Variants in NLRP1 observed in about 807,000 individuals in gnomAD.
NLRP1 encodes the protein NLR family pyrin domain containing 1, also known as NACHT, LRR and PYD domains-containing protein 1.
A neutral mutation model predicts 136.7 loss-of-function variants in NLRP1; 94 were observed. The observed-to-expected ratio is 0.69, with a 90% CI of 0.58 to 0.82. The LOEUF (loss-of-function observed/expected upper bound fraction) is 0.82. NLRP1 is among the 40% of genes least tolerant of loss of function. The probability of loss-of-function intolerance (pLI) is 0.00; values close to 1 mark genes in which losing one functional copy is unlikely to be tolerated. For missense variants in NLRP1, 1,575 were observed against 1,802.7 expected (o/e 0.87, Z 2.29); for synonymous variants, 690 against 725.1 (o/e 0.95, Z 0.78).
chr17:5,524,916 G>A (rs983772693), intron 12 of NLRP1, among the ~76,000 whole-genome samples: 2 of 152,194 alleles, frequency 1.3e-5, no homozygotes, highest in Non-Finnish European at 2.9e-5. Flanking sequence ...GTGTTAAGAT[G>A]AGCTGGTCAC....
In NLRP1 at chr17:5,566,762, T is replaced by TA. The variant is rs549747925; in HGVS notation, c.653-6720dup. ...ACGTCCAATGCTAAAAGTGGGGTGT[T>TA]AAAGTCTCCAGCTATTATTGTATTG... is the stretch of plus-strand genomic sequence containing the variant. On this transcript the variant is annotated intron_variant, in intron 3 of 16. Coordinates refer to ENST00000572272, the MANE Select transcript of NLRP1 (RefSeq NM_033004.4). Among the ~76,000 whole-genome samples, 4 of 152,262 alleles carry TA rather than the reference T, an allele frequency of 2.6e-5. No homozygotes were observed. The South Asian group carries it at 6.2e-4, about 24-fold the overall frequency.
In NLRP1 at chr17:5,538,945, A is replaced by G. The variant is rs542765551; in HGVS notation, c.2870+470T>C. On this transcript the variant is annotated intron_variant, in intron 7 of 16. Transcript: ENST00000572272. ...GCCCAGGATGGAGTGCAGTGCTGTG[A>G]TCTAAGCTCACTGCAACCTCTGCCT... 7.4e-4 allele frequency among the ~76,000 whole-genome samples: 113 copies of G among 152,164 alleles called. 1 individual carries two copies. The highest frequency in any genetic ancestry group is 1.0e-3 in the Non-Finnish European group (70 of 68,004).
chr17:5,579,443 G>A (rs1343427479), intron 3 of NLRP1, among the ~76,000 whole-genome samples: 1 of 152,104 alleles, frequency 6.6e-6, no homozygotes, highest in Non-Finnish European at 1.5e-5. Context: ...AAAAATAACA[G>A]ATATTGGTGA....
chr17:5,559,803 C>A lies in NLRP1; in HGVS notation c.893G>T (p.Arg298Ile). 1.9e-6 allele frequency: 3 copies of A among 1,614,258 alleles called. No individual in the cohort carries two copies. Among genetic ancestry groups the A allele is most frequent in the Non-Finnish European group, 2.5e-6 (3 of 1,180,044 alleles). ...HPRSQDPLVKRSWPDYVEENR... is the reference protein window; with the variant it reads ...HPRSQDPLVKISWPDYVEENR... Reference sequence around the variant, plus strand: ...CTCCTCCACATAATCAGGCCAGCTTCTCTTGACCAGGGGATCTTGGCTTCT... The same window carrying A: ...CTCCTCCACATAATCAGGCCAGCTTATCTTGACCAGGGGATCTTGGCTTCT... The change falls in exon 4 of 17, where the codon AGA becomes ATA. Residue 298 changes from arginine to isoleucine, a missense_variant. Coordinates refer to ENST00000572272, the MANE Select transcript of NLRP1 (RefSeq NM_033004.4).
rs1907259067 is a variant in NLRP1, at chr17:5,504,850, C to T, written c.4070-2978G>A. On this transcript the variant is annotated intron_variant, in intron 15 of 15. Transcript: ENST00000262467. The surrounding 1 kb of genome is among the most constrained non-coding windows in gnomAD (Gnocchi z 4.4). ...ACTTGTTCCCTTTAGAATGTGTACA[C>T]AGAGCAAGAGGCAAAATTCACAAAG... 2 of 152,602 alleles carry T rather than the reference C, an allele frequency of 1.3e-5. No homozygotes were observed. The highest frequency in any genetic ancestry group is 4.1e-4 in the South Asian group (2 of 4,836). 9.5% of individuals were successfully genotyped at this position (152,602 alleles called of 1,614,324 possible).
chr17:5,509,330 T>C (rs9894772), downstream of NLRP1, among the ~76,000 whole-genome samples: 54,971 of 152,076 alleles, frequency 0.36, 11,937 homozygotes, highest in African/African-American at 0.62. Context: ...CAGAGGACCT[T>C]CTTCCTTCCC....
intron 3 of NLRP1, among the ~76,000 whole-genome samples, chr17:5,566,090 A>G (rs564820936): frequency 6.6e-6 from 1 of 151,952 alleles, no homozygotes; most frequent in Admixed American, 6.5e-5. Context: ...GCTTGGCTAA[A>G]GGTTTGTCGA....
intron 4 of NLRP1, among the ~76,000 whole-genome samples, chr17:5,556,468 C>CA (rs35427956): frequency 0.39 from 49,934 of 129,180 alleles, 9,388 homozygotes; most frequent in Non-Finnish European, 0.44. Context: ...AACAACAAAC[C>CA]AAAAAAAAAA....
intron 5 of NLRP1, among the ~76,000 whole-genome samples, chr17:5,543,106 A>T (rs1224649760): frequency 6.6e-6 from 1 of 152,146 alleles, no homozygotes; most frequent in Non-Finnish European, 1.5e-5. Context: ...TTAGGATTAC[A>T]GGCGTGAGCC....
intron 15 of NLRP1, among the ~76,000 whole-genome samples, chr17:5,516,618 T>C (rs1908156736): frequency 6.6e-6 from 1 of 152,166 alleles, no homozygotes; most frequent in Non-Finnish European, 1.5e-5. Flanking sequence ...GACATCGCTT[T>C]GTTTAATCTT....
downstream of NLRP1, among the ~76,000 whole-genome samples, chr17:5,511,881 CTTCT>C (rs1199525140): frequency 1.4e-5 from 2 of 146,036 alleles, no homozygotes; most frequent in South Asian, 2.2e-4. Context: ...TCTCTTCTTT[CTTCT>C]TTCTCTCTGT....
At chr17:5,524,819 G>T (rs1010862178) in intron 12 of NLRP1, among the ~76,000 whole-genome samples, 1 of 152,200 alleles carries the variant, frequency 6.6e-6, no homozygotes, top group African/African-American at 2.4e-5. Flanking sequence ...AAGGTGCTGG[G>T]TGTCTCCAAC....
At chr17:5,520,572 A>G (rs535263836) in intron 14 of NLRP1, among the ~76,000 whole-genome samples, 2 of 152,324 alleles carry the variant, frequency 1.3e-5, no homozygotes, top group Admixed American at 6.5e-5. Flanking sequence ...TAATAAAGCC[A>G]GTATGTTCAA....
rs1914414086 is a variant in NLRP1, at chr17:5,558,869, A to ATGGG, written c.1826_1827insCCCA (p.Leu610ProfsTer32). 1 of 1,613,940 alleles carries ATGGG rather than the reference A, an allele frequency of 6.2e-7. No individual in the cohort carries two copies. Among genetic ancestry groups the ATGGG allele is most frequent in the African/African-American group, 1.3e-5 (1 of 74,916 alleles). On this transcript the variant is annotated frameshift_variant, in exon 4 of 17. Coordinates refer to ENST00000572272, the MANE Select transcript of NLRP1 (RefSeq NM_033004.4). LOFTEE classifies it high-confidence loss of function. ...TCAGAGGGATGGGGTGCTCTTGAAG[A>ATGGG]ATACCCATCTTCAAGAAGGTGGAGA...
rs576828252 is a variant in NLRP1, at chr17:5,581,326, G to A, written c.652+533C>T. 6.6e-5 allele frequency among the ~76,000 whole-genome samples: 10 copies of A among 152,332 alleles called. No individual in the cohort carries two copies. The South Asian group carries it at 1.9e-3, about 28-fold the overall frequency. On this transcript the variant is annotated intron_variant, in intron 3 of 16. Coordinates refer to ENST00000572272, the MANE Select transcript of NLRP1 (RefSeq NM_033004.4). ...TGAAGGCTGAATTCCATCTTTGCTA[G>A]TACTAACTGTGAGACTATCTTTTTA...
chr17:5,529,369 C>CTTT (rs770430967), intron 12 of NLRP1, among the ~76,000 whole-genome samples: 1 of 138,684 alleles, frequency 7.2e-6, no homozygotes, highest in Non-Finnish European at 1.6e-5. Flanking sequence ...ATTGTTTATT[C>CTTT]TTTTTTTTTT....
chr17:5,522,803 C>T (rs1477153132), intron 12 of NLRP1, among the ~76,000 whole-genome samples: 1 of 152,096 alleles, frequency 6.6e-6, no homozygotes, highest in Non-Finnish European at 1.5e-5. Flanking sequence ...CTATGAGAGA[C>T]CATTGAGTGA....
At position 5,530,361 on chromosome 17, in the gene NLRP1, A is replaced by C. The variant is rs1239229009; in HGVS notation, c.3520+120T>G. ...GAAAATCTTAGTCCCCATCTCCATA[A>C]CCCCCCCTCGGCCCCTCTAAGGAAG... On this transcript the variant is annotated intron_variant, in intron 12 of 16. Transcript: ENST00000572272. 5.0e-6 allele frequency: 4 copies of C among 795,260 alleles called. No individual in the cohort carries two copies. The Admixed American group carries it at 7.2e-5, about 14-fold the overall frequency. 49.3% of individuals were successfully genotyped at this position (795,260 alleles called of 1,614,324 possible).
chr17:5,553,855 C>CTTTTT lies in NLRP1; in HGVS notation c.2358-304_2358-300dup, dbSNP rs71856538. Among the ~76,000 whole-genome samples, 58 of 144,508 alleles carry CTTTTT rather than the reference C, an allele frequency of 4.0e-4. 1 individual carries two copies. The highest frequency in any genetic ancestry group is 1.2e-3 in the Admixed American group (18 of 14,464). 94.8% of individuals were successfully genotyped at this position (144,508 alleles called of 152,430 possible). ...CTTGAGGGCAGGGACAGACATTTGT[C>CTTTTT]TTTTTTTTTTTTTTTTTAAATCTGC... On this transcript the variant is annotated intron_variant, in intron 4 of 16. Coordinates refer to ENST00000572272, the MANE Select transcript of NLRP1 (RefSeq NM_033004.4).
Sources: gnomAD v4.1 joint callset for allele counts (sites outside exome capture counted in the v4.1 genomes callset) on GRCh38, gnomAD v4.1.1 for gene constraint, Gnocchi (gnomAD v3.1) non-coding constraint, MANE v1.5 for transcripts, NCBI Gene and HGNC (gene_info 2026-07-23, HGNC 2026-07-21) for gene names.